The following WDFY4 variants were observed in gnomAD, a reference collection of about 807,000 sequenced individuals.
WDFY4 encodes WDFY family member 4, also known as WD repeat- and FYVE domain-containing protein 4.
A neutral mutation model predicts 351.9 loss-of-function variants in WDFY4; 169 were observed. The ratio of observed to expected loss-of-function variants is 0.48; its 90% CI spans 0.42 to 0.55. The LOEUF is 0.55. Among genes scored for constraint, WDFY4 ranks in the 20% least tolerant of loss-of-function variants. WDFY4 has a pLI of 0.00. For synonymous variants in WDFY4, 1,622 were observed against 1,574.6 expected, an observed-to-expected ratio of 1.03 and a Z score of -0.71; for missense variants, 3,803 against 3,935.6, an observed-to-expected ratio of 0.97 and a Z score of 0.90.
chr10:48,825,478 A>T (rs2133024829), intron 35 of WDFY4, among the ~76,000 whole-genome samples: 1 of 152,326 alleles, frequency 6.6e-6, no homozygotes, highest in East Asian at 1.9e-4. Flanking sequence ...TATACCCAGT[A>T]ATGGGATTGC....
chr10:48,828,474 G>T (rs2068077834), intron 36 of WDFY4, among the ~76,000 whole-genome samples: 1 of 152,192 alleles, frequency 6.6e-6, no homozygotes, highest in South Asian at 2.1e-4. Flanking sequence ...GGCACTGAAA[G>T]AAATGACTAG....
At chr10:48,961,831 A>AT (rs201863298) in intron 53 of WDFY4, among the ~76,000 whole-genome samples, 1,764 of 150,266 alleles carry the variant, frequency 0.012, 22 homozygotes, top group Admixed American at 0.022. Context: ...ATCTTTTGTG[A>AT]TTTTTTTTTT....
chr10:48,717,541 G>A (rs973791287), intron 2 of WDFY4, among the ~76,000 whole-genome samples: 1 of 152,138 alleles, frequency 6.6e-6, no homozygotes, highest in African/African-American at 2.4e-5. Flanking sequence ...CTCCAATGGG[G>A]TTCTCTCTCT....
intron 47 of WDFY4, among the ~76,000 whole-genome samples, chr10:48,905,431 A>C (rs1837565108): frequency 6.6e-6 from 1 of 152,214 alleles, no homozygotes; most frequent in Admixed American, 6.5e-5. Context: ...CTGCAATGCC[A>C]ACCTGTGTAC....
chr10:48,814,673 G>A (rs988674198), intron 31 of WDFY4, among the ~76,000 whole-genome samples: 5 of 152,200 alleles, frequency 3.3e-5, no homozygotes, highest in African/African-American at 1.2e-4. Context: ...TCATCCTGTA[G>A]GCACCAAAGG....
At chr10:48,928,648 G>A (rs1459085890) in intron 47 of WDFY4, among the ~76,000 whole-genome samples, 2 of 152,178 alleles carry the variant, frequency 1.3e-5, no homozygotes, top group East Asian at 1.9e-4. Context: ...CTCCTCACAT[G>A]GAATTCTTTC....
At chr10:48,761,199 G>A (rs972599833) in intron 13 of WDFY4, among the ~76,000 whole-genome samples, 1 of 152,148 alleles carries the variant, frequency 6.6e-6, no homozygotes, top group Non-Finnish European at 1.5e-5. Context: ...GAGCAAATTG[G>A]AAGGGCCAGG....
At chr10:48,775,296 C>T (rs549341440) in intron 14 of WDFY4, among the ~76,000 whole-genome samples, 328 of 152,206 alleles carry the variant, frequency 2.2e-3, no homozygotes, top group African/African-American at 7.4e-3. Flanking sequence ...ATGCACAGAG[C>T]GGGGGGCCCT....
At chr10:48,792,259 G>A (rs2066708397) in intron 23 of WDFY4, among the ~76,000 whole-genome samples, 1 of 152,094 alleles carries the variant, frequency 6.6e-6, no homozygotes, top group Non-Finnish European at 1.5e-5. Context: ...AATAGCAAAG[G>A]CAGCATTCTC....
intron 41 of WDFY4, among the ~76,000 whole-genome samples, chr10:48,874,265 T>G (rs1280900853): frequency 1.3e-5 from 2 of 152,354 alleles, no homozygotes; most frequent in East Asian, 3.9e-4. Flanking sequence ...CTAATGAAGC[T>G]TGAACTGTGT....
intron 46 of WDFY4, among the ~76,000 whole-genome samples, chr10:48,900,747 AC>A (rs1303941514): frequency 1.3e-5 from 2 of 152,258 alleles, no homozygotes; most frequent in Non-Finnish European, 2.9e-5. Context: ...GGAATTCCAA[AC>A]AACTGATTTC....
chr10:48,981,411 G>T lies in WDFY4; in HGVS notation c.9421G>T (p.Val3141Phe). Residue 3141 changes from valine (V) to phenylalanine (F), a missense_variant, in exon 61 of 62, where the codon GTT becomes TTT. Val to Phe is a conservative substitution (Grantham distance 50). Transcript: ENST00000325239. ...KNLALSRELD[V>F]SIALTGKPSK... ...CCTGGCCTTGAGTCGAGAGCTGGAC[G>T]TTAGCATTGCTTTGACAGGGAAGCC... 6.4e-7 allele frequency: 1 copy of T among 1,551,792 alleles called. No homozygotes were observed. The highest frequency in any genetic ancestry group is 1.2e-5 in the South Asian group (1 of 84,064).
At position 48,725,880 on chromosome 10, in the gene WDFY4, G is replaced by T. The variant is rs1235771559; in HGVS notation, c.592-1G>T. ...TGACTGTTTATCTTCTTATTTTTCA[G>T]ATGTTGCTCAATATTTGCAGTGACT... On this transcript the variant is annotated splice_acceptor_variant, in intron 5 of 61. Coordinates refer to ENST00000325239, the MANE Select transcript of WDFY4 (RefSeq NM_001394531.1). LOFTEE classifies it high-confidence loss of function. The T allele has an allele frequency of 6.5e-7, 1 of 1,535,644 alleles. No homozygotes were observed. Among genetic ancestry groups the T allele is most frequent in the Non-Finnish European group, 8.8e-7 (1 of 1,133,830 alleles).
At chr10:48,953,333 T>TCTCTCTCACACACA (rs771339557) in intron 51 of WDFY4, among the ~76,000 whole-genome samples, 4,269 of 127,968 alleles carry the variant, frequency 0.033, 105 homozygotes, top group Middle Eastern at 0.072. Flanking sequence ...TCTCTCTCTC[T>TCTCTCTCACACACA]CACACACACA....
intron 11 of WDFY4, among the ~76,000 whole-genome samples, chr10:48,737,167 G>A (rs1446503711): frequency 6.6e-6 from 1 of 152,066 alleles, no homozygotes; most frequent in Admixed American, 6.5e-5. Context: ...GTGCCACCAC[G>A]CTTGGCTAAT....
At chr10:48,694,078 A>G (rs1263717879) in intron 1 of WDFY4, among the ~76,000 whole-genome samples, 1 of 152,234 alleles carries the variant, frequency 6.6e-6, no homozygotes, top group Non-Finnish European at 1.5e-5. Flanking sequence ...TTGAAATTTA[A>G]TCAGCTAAAT....
At chr10:48,811,025 T>C (rs1378097802) in intron 29 of WDFY4, among the ~76,000 whole-genome samples, 1 of 152,236 alleles carries the variant, frequency 6.6e-6, no homozygotes, top group Non-Finnish European at 1.5e-5. Context: ...CCTGAGGGGA[T>C]GCCTCTTCTC....
rs1166071629 is a variant in WDFY4 at position 48,936,918 on chromosome 10, C to T, written c.7587-4888C>T. On this transcript the variant is annotated intron_variant, in intron 47 of 61. Transcript: ENST00000325239. The stretch of plus-strand genomic sequence containing the variant: ...TGGCAGTAACTTTGTATTGTATAAA[C>T]TTCAGGTTTTGTTTTTTTGAGACAT... Among the ~76,000 whole-genome samples the T allele has an allele frequency of 2.9e-5, 4 of 139,610 alleles. No individual in the cohort carries two copies. The Admixed American group carries it at 3.0e-4, about 10-fold the overall frequency. 91.6% of individuals were successfully genotyped at this position (139,610 alleles called of 152,430 possible).
intron 1 of WDFY4, among the ~76,000 whole-genome samples, chr10:48,698,060 G>C (rs973745862): frequency 5.9e-5 from 9 of 152,136 alleles, no homozygotes; most frequent in African/African-American, 2.2e-4. Flanking sequence ...GAGGGGATGC[G>C]TTGTCCATTA....
Sources: allele counts gnomAD v4.1 joint callset (sites outside exome capture counted in the v4.1 genomes callset), GRCh38; gene constraint gnomAD v4.1.1; transcripts MANE v1.5; gene names NCBI Gene and HGNC (gene_info 2026-07-23, HGNC 2026-07-21).